ITFG1: variants seen among roughly 807,000 people sequenced by gnomAD.
ITFG1 encodes the protein T-cell immunomodulatory protein.
In ITFG1, 34 loss-of-function variants were observed where a neutral mutation model predicts 81.8. The observed-to-expected ratio is 0.42, with a 90% CI of 0.32 to 0.55. The LOEUF is 0.55. ITFG1 is among the 20% of genes least tolerant of loss of function. The probability of loss-of-function intolerance (pLI) is 0.17; values close to 1 mark genes in which losing one functional copy is unlikely to be tolerated. For synonymous variants in ITFG1, 285 were observed against 270.6 expected (o/e 1.05, Z -0.52); for missense variants, 672 against 755.4 (o/e 0.89, Z 1.29).
chr16:47,363,640 G>GT (rs1423246073), intron 8 of ITFG1, among the ~76,000 whole-genome samples: 1 of 152,130 alleles, frequency 6.6e-6, no homozygotes, highest in African/African-American at 2.4e-5. Context: ...TTACTGGGCA[G>GT]TAAGTATATA....
chr16:47,270,378 C>A (rs2151545743), intron 10 of ITFG1, among the ~76,000 whole-genome samples: 1 of 152,214 alleles, frequency 6.6e-6, no homozygotes, highest in South Asian at 2.1e-4. Flanking sequence ...AAACAAATAT[C>A]CTAATTTATT....
intron 7 of ITFG1, among the ~76,000 whole-genome samples, chr16:47,371,814 T>C (rs1020551235): frequency 1.3e-5 from 2 of 152,042 alleles, no homozygotes; most frequent in Non-Finnish European, 2.9e-5. Context: ...AACAAGACAG[T>C]TCTTCACAGA....
At chr16:47,261,124 G>C (rs756525144) in intron 10 of ITFG1, among the ~76,000 whole-genome samples, 1 of 152,178 alleles carries the variant, frequency 6.6e-6, no homozygotes, top group Non-Finnish European at 1.5e-5. Flanking sequence ...TGCTCTCATA[G>C]GTGGTAGGGC....
At chr16:47,187,550 G>A (rs2151516208) in intron 14 of ITFG1, among the ~76,000 whole-genome samples, 1 of 152,240 alleles carries the variant, frequency 6.6e-6, no homozygotes, top group African/African-American at 2.4e-5. Flanking sequence ...GGGAAAACTG[G>A]CTAGCCATAT....
chr16:47,386,346 ACT>A (rs953740705), intron 6 of ITFG1, among the ~76,000 whole-genome samples: 1 of 152,104 alleles, frequency 6.6e-6, no homozygotes, highest in Admixed American at 6.6e-5. Flanking sequence ...TGTGAAGGAA[ACT>A]CTGCTTCAGG....
chr16:47,180,531 C>T (rs551526648), intron 14 of ITFG1, among the ~76,000 whole-genome samples: 24 of 152,184 alleles, frequency 1.6e-4, no homozygotes, highest in East Asian at 1.4e-3. Context: ...TGCAGGCACG[C>T]GCCGCCACGC....
At chr16:47,376,451 C>T (rs1009317591) in intron 6 of ITFG1, among the ~76,000 whole-genome samples, 7 of 151,890 alleles carry the variant, frequency 4.6e-5, no homozygotes, top group Admixed American at 2.0e-4. Flanking sequence ...TTCCAGCTAA[C>T]GAATGGTTGT....
At chr16:47,319,236 A>C (rs1967411373) in intron 8 of ITFG1, among the ~76,000 whole-genome samples, 2 of 152,232 alleles carry the variant, frequency 1.3e-5, no homozygotes, top group Non-Finnish European at 2.9e-5. Flanking sequence ...AAAAGTCTTT[A>C]GATGTTGGGA....
chr16:47,218,786 A>G (rs1965656841), intron 14 of ITFG1, 82 bp downstream of exon 14: 1 of 726,054 alleles, frequency 1.4e-6, no homozygotes, highest in Non-Finnish European at 2.2e-6. Flanking sequence ...GTGTGAAAAC[A>G]TAATTTTTTC....
chr16:47,258,300 C>A (rs1447649263), intron 12 of ITFG1, among the ~76,000 whole-genome samples: 1 of 152,122 alleles, frequency 6.6e-6, no homozygotes, highest in Non-Finnish European at 1.5e-5. Flanking sequence ...AGTGCTATCT[C>A]ACAGAATGCA....
intron 6 of ITFG1, among the ~76,000 whole-genome samples, chr16:47,398,028 G>A (rs1968614134): frequency 6.6e-6 from 1 of 152,128 alleles, no homozygotes. Flanking sequence ...ATTCTTTAAT[G>A]CTTTATTAAT....
intron 13 of ITFG1, among the ~76,000 whole-genome samples, chr16:47,224,835 G>C (rs1488349041): frequency 6.6e-6 from 1 of 152,068 alleles, no homozygotes; most frequent in Non-Finnish European, 1.5e-5. Context: ...CTGTCTCCAT[G>C]AAAAGTTAAA....
intron 14 of ITFG1, among the ~76,000 whole-genome samples, chr16:47,165,790 G>A (rs1187027959): frequency 1.3e-5 from 2 of 152,210 alleles, no homozygotes; most frequent in African/African-American, 2.4e-5. Flanking sequence ...AGGCTGTAGT[G>A]AGCTGTGATT....
Position 47,367,894 on chromosome 16 carries a change from T to C in ITFG1, c.721-2025A>G, listed in dbSNP as rs12103136. On this transcript the variant is annotated intron_variant, in intron 7 of 17. Coordinates refer to ENST00000320640, the MANE Select transcript of ITFG1 (RefSeq NM_030790.5). ...CTGAAACTGCACTAGAGATGTGTCA[T>C]AGTTGCCAAATCCCTAGCTGAAGTG... Among the ~76,000 whole-genome samples, 639 of 152,270 alleles carry C rather than the reference T, an allele frequency of 4.2e-3. 6 individuals are homozygous for C. Among genetic ancestry groups the C allele is most frequent in the African/African-American group, 0.015 (610 of 41,550 alleles).
chr16:47,461,127 T>G (rs1969538094), upstream of ITFG1: 2 of 1,333,012 alleles, frequency 1.5e-6, no homozygotes, highest in African/African-American at 1.5e-5. Context: ...GCCGAGAGAG[T>G]GGCGCGCAGC....
At chr16:47,166,779 G>T (rs1405568585) in intron 14 of ITFG1, among the ~76,000 whole-genome samples, 1 of 2,380 alleles carries the variant, frequency 4.2e-4, no homozygotes, top group South Asian at 0.017. Context: ...ACCCAAATTA[G>T]TTTGCACCCA....
At chr16:47,421,039 T>C (rs910410689) in intron 6 of ITFG1, among the ~76,000 whole-genome samples, 3 of 152,136 alleles carry the variant, frequency 2.0e-5, no homozygotes, top group African/African-American at 4.8e-5. Flanking sequence ...TTCAATTACC[T>C]TTCATCGAAT....
chr16:47,358,698 T>C (rs565141820), intron 8 of ITFG1, among the ~76,000 whole-genome samples: 53 of 152,354 alleles, frequency 3.5e-4, no homozygotes, highest in African/African-American at 1.2e-3. Flanking sequence ...CCATTTATAA[T>C]ATTTTGAAAT....
At chr16:47,225,592 A>C (rs1389534868) in intron 13 of ITFG1, among the ~76,000 whole-genome samples, 1 of 152,236 alleles carries the variant, frequency 6.6e-6, no homozygotes, top group African/African-American at 2.4e-5. Context: ...AGAAAGATTA[A>C]CAGCTCAATT....
Sources: gnomAD v4.1 joint callset for allele counts (sites outside exome capture counted in the v4.1 genomes callset) on GRCh38, gnomAD v4.1.1 for gene constraint, MANE v1.5 for transcripts, NCBI Gene and HGNC (gene_info 2026-07-23, HGNC 2026-07-21) for gene names.